PCM1: variants seen among roughly 807,000 people sequenced by gnomAD.
The protein encoded by PCM1 is pericentriolar material 1, also known as pericentriolar material 1 protein.
Under a neutral mutation model 241.9 loss-of-function variants are expected in PCM1, and 157 were observed. That is an observed-to-expected ratio of 0.65 (90% CI 0.57 to 0.74). PCM1 has a LOEUF of 0.74. PCM1 is among the 30% of genes least tolerant of loss of function. PCM1 has a pLI of 0.00. For synonymous variants in PCM1, 1,085 were observed against 784.9 expected, an observed-to-expected ratio of 1.38 and a Z score of -6.39; for missense variants, 3,478 against 2,360.1, an observed-to-expected ratio of 1.47 and a Z score of -9.81.
chr8:17,948,281 T>C (rs1004708021), intron 7 of PCM1, among the ~76,000 whole-genome samples: 2 of 149,762 alleles, frequency 1.3e-5, no homozygotes, highest in African/African-American at 4.9e-5. Flanking sequence ...ACGTTATGAC[T>C]TTCAAATAAC....
Position 17,966,217 on chromosome 8 carries a change from A to C in PCM1, c.3074A>C (p.Gln1025Pro). ...SICQTLMQDQQTLSCLLQTLL... is the reference protein window; with the variant it reads ...SICQTLMQDQPTLSCLLQTLL... ...TGTCAGACTTTGATGCAAGACCAGC[A>C]GGTAAAATTTGCTATGAAAGTATAT... Residue 1025 changes from glutamine to proline, a missense_variant and splice_region_variant, in exon 19 of 39, where the codon CAG becomes CCG. Transcript: ENST00000325083. 1 of 1,612,402 alleles carries C rather than the reference A, an allele frequency of 6.2e-7. No homozygotes were observed. The highest frequency in any genetic ancestry group is 1.1e-5 in the South Asian group (1 of 90,932).
Position 17,972,575 on chromosome 8 carries a change from C to G in PCM1, c.3831C>G (p.Phe1277Leu). 2 of 1,613,518 alleles carry G rather than the reference C, an allele frequency of 1.2e-6. No homozygotes were observed. Among genetic ancestry groups the G allele is most frequent in the Non-Finnish European group, 1.7e-6 (2 of 1,179,642 alleles). ...ATCCAACAACAGTGACTAAAACATTCAAGACAAGAAAAGCGTCTGCACAGG... is the reference window on the plus strand; with the variant it reads ...ATCCAACAACAGTGACTAAAACATTGAAGACAAGAAAAGCGTCTGCACAGG... ...PVDPTTVTKT[F>L]KTRKASAQAS... is the part of the protein sequence containing the mutation. Residue 1277 changes from phenylalanine (F) to leucine (L), a missense_variant, in exon 23 of 39, where the codon TTC (phenylalanine) becomes TTG (leucine). By Grantham distance (22) the Phe-to-Leu change is conservative. Coordinates refer to ENST00000325083, the MANE Select transcript of PCM1 (RefSeq NM_006197.4).
At chr8:18,018,838 ATGTG>A (rs150553994) in intron 36 of PCM1, among the ~76,000 whole-genome samples, 68,649 of 122,454 alleles carry the variant, frequency 0.56, 20,378 homozygotes, top group Middle Eastern at 0.65. Flanking sequence ...ATATATATAT[ATGTG>A]TGTGTGTGTG....
At chr8:17,949,993 T>G (rs2129457913) in intron 7 of PCM1, among the ~76,000 whole-genome samples, 1 of 152,234 alleles carries the variant, frequency 6.6e-6, no homozygotes, top group South Asian at 2.1e-4. Flanking sequence ...TTCAATAAAT[T>G]ATCCATTTTA....
At chr8:17,938,164 C>G (rs1282353023) in intron 4 of PCM1, among the ~76,000 whole-genome samples, 1 of 152,096 alleles carries the variant, frequency 6.6e-6, no homozygotes, top group African/African-American at 2.4e-5. Flanking sequence ...ATACGAAAAT[C>G]CGAAATGCTC....
rs778245890 is a variant in PCM1, at chr8:17,940,027, G to T, written c.783+166G>T. On this transcript the variant is annotated intron_variant, in intron 6 of 38. Transcript: ENST00000325083. ...TTTTAATAGTTGTATGATTTATACC[G>T]CTAAAATATTTCAGGCTAGAGAAAA... 21 of 1,482,964 alleles carry T rather than the reference G, an allele frequency of 1.4e-5. No homozygotes were observed. In the South Asian group the frequency reaches 2.4e-4, roughly 17 times the overall value. 91.9% of individuals were successfully genotyped at this position (1,482,964 alleles called of 1,614,324 possible).
At chr8:17,946,641 C>T (rs544168418) in intron 6 of PCM1, among the ~76,000 whole-genome samples, 13 of 152,114 alleles carry the variant, frequency 8.5e-5, no homozygotes, top group Admixed American at 3.9e-4. Flanking sequence ...GGATAACAGG[C>T]GCACACCGCC....
At position 18,025,568 on chromosome 8, in the gene PCM1, G is replaced by C; in HGVS notation, c.5959G>C (p.Glu1987Gln). 2.5e-6 allele frequency: 4 copies of C among 1,581,438 alleles called. No homozygotes were observed. Among genetic ancestry groups the C allele is most frequent in the Non-Finnish European group, 3.4e-6 (4 of 1,163,394 alleles). Residue 1987 changes from glutamate (E) to glutamine (Q), a missense_variant, in exon 38 of 39, where the codon GAA becomes CAA. Glu to Gln is a conservative substitution (Grantham distance 29, BLOSUM62 2). Transcript: ENST00000325083. ...SEADLRKKMV[E>Q]EEQKNHLSGE... ...GGCAGATCTAAGAAAGAAAATGGTA[G>C]AAGAAGAACAGAAAAACCATTTATC...
intron 9 of PCM1, among the ~76,000 whole-genome samples, chr8:17,954,493 G>A (rs867382419): frequency 4.0e-5 from 6 of 151,646 alleles, no homozygotes; most frequent in African/African-American, 1.5e-4. Flanking sequence ...AGTCCTTGTC[G>A]TCAGTTTTGT....
intron 27 of PCM1, 48 bp from the exon 28 acceptor site, chr8:17,991,494 A>C: frequency 6.7e-7 from 1 of 1,492,498 alleles, no homozygotes; most frequent in Non-Finnish European, 9.0e-7. Flanking sequence ...GAATATATGA[A>C]AAAGTTCACT....
At chr8:17,984,434 G>T (rs1315367429) in intron 24 of PCM1, among the ~76,000 whole-genome samples, 3 of 151,768 alleles carry the variant, frequency 2.0e-5, no homozygotes, top group Non-Finnish European at 2.9e-5. Context: ...TGTATCACTT[G>T]ATTTTATACC....
At chr8:17,936,992 A>G (rs1480791096) in intron 3 of PCM1, 142 bp from the exon 4 acceptor site, 1 of 586,760 alleles carries the variant, frequency 1.7e-6, no homozygotes, top group African/African-American at 1.9e-5. Flanking sequence ...ATAGAAGTAA[A>G]TATTTGTCTC....
In PCM1 at chr8:17,957,145, A is replaced by C. The variant is rs371420034; in HGVS notation, c.1647-119A>C. 14 of 734,866 alleles carry C rather than the reference A, an allele frequency of 1.9e-5. No individual in the cohort carries two copies. The East Asian group carries it at 3.1e-4, about 16-fold the overall frequency. 45.5% of individuals were successfully genotyped at this position (734,866 alleles called of 1,614,324 possible). On this transcript the variant is annotated intron_variant, in intron 11 of 38. Coordinates refer to ENST00000325083, the MANE Select transcript of PCM1 (RefSeq NM_006197.4). ...GGAGTCGATTATTCAATTTGAATTT[A>C]AATGGAATAGCCAACAATGTGCTTG...
At chr8:17,937,435 A>T in intron 4 of PCM1, 56 bp downstream of exon 4, 1 of 1,387,864 alleles carries the variant, frequency 7.2e-7, no homozygotes. Flanking sequence ...CTTGAAATGG[A>T]TTAAATAATT....
At chr8:17,991,343 C>T (rs1413418916) in intron 27 of PCM1, among the ~76,000 whole-genome samples, 199 bp from the exon 28 acceptor site, 2 of 152,112 alleles carry the variant, frequency 1.3e-5, no homozygotes, top group Non-Finnish European at 2.9e-5. Context: ...AAAGTAATGT[C>T]ATCTACTATA....
chr8:17,993,394 A>C, intron 28 of PCM1, 89 bp from the exon 29 acceptor site: 1 of 872,472 alleles, frequency 1.1e-6, no homozygotes, highest in Admixed American at 3.6e-5. Context: ...AAATCATCAA[A>C]TTTAATATTT....
intron 24 of PCM1, among the ~76,000 whole-genome samples, chr8:17,984,662 T>A (rs1267378655): frequency 1.3e-5 from 2 of 151,974 alleles, no homozygotes; most frequent in Non-Finnish European, 2.9e-5. Context: ...GTTTTTATGA[T>A]CTTGTATACT....
At chr8:17,950,038 T>A (rs1217382832) in intron 7 of PCM1, among the ~76,000 whole-genome samples, 1 of 152,226 alleles carries the variant, frequency 6.6e-6, no homozygotes, top group African/African-American at 2.4e-5. Context: ...CAGCTGAGTT[T>A]GGCTCATTGC....
At chr8:17,967,488 A>G (rs1000865929) in intron 21 of PCM1, among the ~76,000 whole-genome samples, 11 of 150,368 alleles carry the variant, frequency 7.3e-5, no homozygotes, top group African/African-American at 2.7e-4. Context: ...TTGTATTTTT[A>G]GTAGAGATGG....
Sources: allele counts gnomAD v4.1 joint callset (sites outside exome capture counted in the v4.1 genomes callset), GRCh38; gene constraint gnomAD v4.1.1; transcripts MANE v1.5; gene names NCBI Gene and HGNC (gene_info 2026-07-23, HGNC 2026-07-21).